The following DLG2 variants were observed in gnomAD, a reference collection of about 807,000 sequenced individuals.
DLG2 encodes disks large homolog 2.
Under a neutral mutation model 132.5 loss-of-function variants are expected in DLG2, and 45 were observed. That is an observed-to-expected ratio of 0.34 (90% CI 0.27 to 0.44). DLG2 has a LOEUF of 0.44. Ranked by LOEUF, DLG2 falls within the 20% of genes least tolerant of loss-of-function variation. The pLI is 1.00. For missense variants in DLG2, 1,045 were observed against 1,196.9 expected (o/e 0.87, Z 1.87); for synonymous variants, 424 against 419.6 (o/e 1.01, Z -0.13).
intron 9 of DLG2, among the ~76,000 whole-genome samples, chr11:84,109,463 G>C (rs778509244): frequency 2.6e-5 from 4 of 152,188 alleles, no homozygotes; most frequent in Non-Finnish European, 4.4e-5. Context: ...TGGGTGGATT[G>C]AGTCAGAAAG....
At chr11:83,741,548 C>A (rs2092512346) in intron 18 of DLG2, among the ~76,000 whole-genome samples, 1 of 152,106 alleles carries the variant, frequency 6.6e-6, no homozygotes, top group African/African-American at 2.4e-5. Context: ...CACAATCCCA[C>A]ATATAATAGC....
intron 3 of DLG2, among the ~76,000 whole-genome samples, chr11:85,582,725 T>G (rs2078633900): frequency 7.4e-6 from 1 of 134,948 alleles, no homozygotes; most frequent in Non-Finnish European, 1.6e-5. Context: ...CAACTATTTC[T>G]GAAGCACAAG....
At chr11:85,138,540 C>T (rs1041111910) in intron 5 of DLG2, among the ~76,000 whole-genome samples, 3 of 152,128 alleles carry the variant, frequency 2.0e-5, no homozygotes, top group South Asian at 2.1e-4. Flanking sequence ...CCTTCTTATA[C>T]CCTGATATGG....
intron 8 of DLG2, among the ~76,000 whole-genome samples, chr11:84,236,516 G>T (rs1303721789): frequency 6.6e-6 from 1 of 152,192 alleles, no homozygotes; most frequent in African/African-American, 2.4e-5. Context: ...TAAAGCACAG[G>T]CCATGACTCC....
At chr11:84,750,031 T>C (rs1227650799) in intron 6 of DLG2, among the ~76,000 whole-genome samples, 2 of 152,220 alleles carry the variant, frequency 1.3e-5, no homozygotes, top group Non-Finnish European at 2.9e-5. Flanking sequence ...TACATTTCTA[T>C]ACAATTTGGC....
At chr11:83,668,171 C>T (rs1330157675) in intron 18 of DLG2, among the ~76,000 whole-genome samples, 1 of 151,466 alleles carries the variant, frequency 6.6e-6, no homozygotes, top group Non-Finnish European at 1.5e-5. Flanking sequence ...CTATGTCTGG[C>T]ATCACAGACG....
At chr11:84,790,886 A>G (rs1446741413) in intron 6 of DLG2, among the ~76,000 whole-genome samples, 2 of 152,188 alleles carry the variant, frequency 1.3e-5, no homozygotes, top group African/African-American at 4.8e-5. Flanking sequence ...GTTGAAAATG[A>G]CTTCACTGTA....
chr11:84,006,414 A>G (rs943860069), intron 11 of DLG2, among the ~76,000 whole-genome samples: 1 of 151,702 alleles, frequency 6.6e-6, no homozygotes, highest in Non-Finnish European at 1.5e-5. Context: ...TGTATTGTAC[A>G]TTTCAAAGTA....
intron 4 of DLG2, among the ~76,000 whole-genome samples, chr11:85,227,139 T>G (rs1031088529): frequency 6.6e-6 from 1 of 151,970 alleles, no homozygotes. Context: ...AAAAATAGCA[T>G]CTATGAAAGG....
At position 84,612,633 on chromosome 11, in the gene DLG2, G is replaced by A. The variant is rs147774642; in HGVS notation, c.358-77902C>T. The stretch of plus-strand genomic sequence containing the variant: ...TTTAATTTGTGTGGTAAGACTAAAG[G>A]TAATGTTTTTTCTTTTCTTAGTTCA... On this transcript the variant is annotated intron_variant, in intron 6 of 27. Transcript: ENST00000376104. Among the ~76,000 whole-genome samples the A allele has an allele frequency of 9.0e-3, 1,372 of 152,024 alleles. 12 individuals are homozygous for A. The highest frequency in any genetic ancestry group is 0.015 in the Non-Finnish European group (1,006 of 67,948).
intron 17 of DLG2, among the ~76,000 whole-genome samples, chr11:83,807,647 G>A (rs983039358): frequency 6.6e-6 from 1 of 152,174 alleles, no homozygotes; most frequent in Non-Finnish European, 1.5e-5. Context: ...AAGAAATCAA[G>A]GCAATTGACT....
At chr11:85,155,665 T>A (rs2077537180) in intron 4 of DLG2, among the ~76,000 whole-genome samples, 1 of 151,812 alleles carries the variant, frequency 6.6e-6, no homozygotes, top group Non-Finnish European at 1.5e-5. Flanking sequence ...AGGTCAGGAG[T>A]TTGAGACCAG....
rs1396555669 is a variant in DLG2 at position 84,312,295 on chromosome 11, C to A, written c.520-61004G>T. On this transcript the variant is annotated intron_variant, in intron 7 of 27. Coordinates refer to ENST00000376104, the MANE Select transcript of DLG2 (RefSeq NM_001142699.3). ...ACCAGACTGGCCAATATGGTGAAAC[C>A]CCATCTCTAATAAAAATACACACAA... Among the ~76,000 whole-genome samples, 3 of 152,098 alleles carry A rather than the reference C, an allele frequency of 2.0e-5. No individual in the cohort carries two copies. In the East Asian group the frequency reaches 5.8e-4, roughly 29 times the overall value.
At chr11:84,865,786 T>G (rs2084461919) in intron 6 of DLG2, among the ~76,000 whole-genome samples, 1 of 152,224 alleles carries the variant, frequency 6.6e-6, no homozygotes, top group Non-Finnish European at 1.5e-5. Context: ...AAATCCACTT[T>G]CACAAGTTGA....
chr11:84,729,369 T>C (rs2062875529), intron 6 of DLG2, among the ~76,000 whole-genome samples: 1 of 152,158 alleles, frequency 6.6e-6, no homozygotes, highest in Non-Finnish European at 1.5e-5. Flanking sequence ...GTTTTCAGTT[T>C]CCATGTAGTT....
chr11:85,216,045 A>G (rs138315590), intron 4 of DLG2, among the ~76,000 whole-genome samples: 3 of 151,624 alleles, frequency 2.0e-5, no homozygotes, highest in African/African-American at 7.2e-5. Flanking sequence ...AGACTGGCAC[A>G]ATGATGTGCA....
chr11:85,431,727 C>A (rs2091197756), intron 3 of DLG2, among the ~76,000 whole-genome samples: 1 of 152,262 alleles, frequency 6.6e-6, no homozygotes, highest in Admixed American at 6.5e-5. Flanking sequence ...CAGACATAGT[C>A]TTTCCTCCTG....
chr11:84,828,193 T>A (rs1483256576), intron 6 of DLG2, among the ~76,000 whole-genome samples: 1 of 151,650 alleles, frequency 6.6e-6, no homozygotes, highest in Non-Finnish European at 1.5e-5. Context: ...CAGGGAAGTG[T>A]CATTAGGTAA....
chr11:85,542,238 A>AC (rs1447140668), intron 3 of DLG2, among the ~76,000 whole-genome samples: 1 of 152,302 alleles, frequency 6.6e-6, no homozygotes, highest in East Asian at 1.9e-4. Context: ...TGTGAATTCA[A>AC]CCTAAGTAGA....
Sources: gnomAD v4.1 joint callset for allele counts (sites outside exome capture counted in the v4.1 genomes callset) on GRCh38, gnomAD v4.1.1 for gene constraint, MANE v1.5 for transcripts, NCBI Gene and HGNC (gene_info 2026-07-23, HGNC 2026-07-21) for gene names.